The following SVOPL variants were observed in gnomAD, a reference collection of about 807,000 sequenced individuals.
SVOPL encodes SVOP like, also known as putative transporter SVOPL.
SVOPL carries 60 observed loss-of-function variants against 61.0 expected under a neutral mutation model. The ratio of observed to expected loss-of-function variants is 0.98; its 90% confidence interval spans 0.80 to 1.22. SVOPL has a LOEUF of 1.22. Ranked by LOEUF, SVOPL falls within the 50% of genes most tolerant of loss-of-function variation. SVOPL has a pLI of 0.00. For missense variants in SVOPL, 662 were observed against 643.9 expected, an observed-to-expected ratio of 1.03 and a Z score of -0.30; for synonymous variants, 279 against 250.0, an observed-to-expected ratio of 1.12 and a Z score of -1.09.
chr7:138,613,402 T>TA (rs1207118025), intron 14 of SVOPL, among the ~76,000 whole-genome samples: 1 of 152,098 alleles, frequency 6.6e-6, no homozygotes, highest in African/African-American at 2.4e-5. Flanking sequence ...GCTCCTAAGG[T>TA]AAAAATCTAA....
Position 138,594,532 on chromosome 7 carries a change from C to A in SVOPL, c.*78G>T. The A allele has an allele frequency of 1.4e-6, 2 of 1,439,440 alleles. No individual in the cohort carries two copies. The highest frequency in any genetic ancestry group is 1.3e-5 in the South Asian group (1 of 78,012). 89.2% of individuals were successfully genotyped at this position (1,439,440 alleles called of 1,614,324 possible). ...ACCGAGTAGCATACAGAAGTAAAACCAAGTTTTAAAAAAATGCACCGCAGT... is the reference window on the plus strand; with the variant it reads ...ACCGAGTAGCATACAGAAGTAAAACAAAGTTTTAAAAAAATGCACCGCAGT... On this transcript the variant is annotated 3_prime_UTR_variant, in exon 16 of 16. Coordinates refer to ENST00000674285, the MANE Select transcript of SVOPL (RefSeq NM_001139456.2).
chr7:138,626,813 T>G (rs1345601758), intron 12 of SVOPL, among the ~76,000 whole-genome samples: 1 of 150,786 alleles, frequency 6.6e-6, no homozygotes, highest in Admixed American at 6.7e-5. Context: ...ACCACTGCAT[T>G]CCCGCCTGGG....
chr7:138,636,566 G>A (rs1393897930), intron 9 of SVOPL, among the ~76,000 whole-genome samples: 2 of 151,630 alleles, frequency 1.3e-5, no homozygotes, highest in African/African-American at 4.9e-5. Flanking sequence ...CACCTCCTGG[G>A]TTCAAGTGAT....
intron 4 of SVOPL, among the ~76,000 whole-genome samples, chr7:138,666,733 C>A (rs899416660): frequency 5.3e-5 from 8 of 152,156 alleles, no homozygotes; most frequent in Admixed American, 1.3e-4. Context: ...GAGCCAAATT[C>A]CACCTCATTT....
Position 138,600,831 on chromosome 7 carries a change from C to T in SVOPL, c.1354-4301G>A, listed in dbSNP as rs77761110. On this transcript the variant is annotated intron_variant, in intron 14 of 15. Transcript: ENST00000674285. ...ATCACAAACACGAGATAAGCTTTGG[C>T]GAGAATGTAGAGAAAGGAAACTGAC... 5.7e-4 allele frequency among the ~76,000 whole-genome samples: 86 copies of T among 151,930 alleles called. No homozygotes were observed. In the East Asian group the frequency reaches 0.014, roughly 25 times the overall value.
intron 12 of SVOPL, 76 bp downstream of exon 12, chr7:138,627,274 C>T: frequency 9.0e-7 from 1 of 1,114,818 alleles, no homozygotes; most frequent in South Asian, 1.4e-5. Flanking sequence ...GTCCCTGAAA[C>T]TACTGAACAC....
chr7:138,636,691 G>A (rs1027540237), intron 9 of SVOPL, among the ~76,000 whole-genome samples: 5 of 151,852 alleles, frequency 3.3e-5, no homozygotes, highest in Admixed American at 3.3e-4. Flanking sequence ...GGCTGGTCTC[G>A]AACTCTTGGC....
chr7:138,614,324 AGAG>A (rs1799186941), intron 14 of SVOPL, among the ~76,000 whole-genome samples: 1 of 152,152 alleles, frequency 6.6e-6, no homozygotes, highest in African/African-American at 2.4e-5. Flanking sequence ...TAGAAAAAGC[AGAG>A]AAGACAAGCA....
chr7:138,677,074 T>C (rs991154242), intron 3 of SVOPL, among the ~76,000 whole-genome samples: 2 of 152,040 alleles, frequency 1.3e-5, no homozygotes, highest in Non-Finnish European at 2.9e-5. Context: ...CGTCTCATTT[T>C]TTTGTATTTT....
chr7:138,641,640 C>T (rs1306042276), intron 9 of SVOPL, among the ~76,000 whole-genome samples: 1 of 132,812 alleles, frequency 7.5e-6, no homozygotes, highest in African/African-American at 2.8e-5. Flanking sequence ...CACTACACTC[C>T]AGCCTGGATG....
At chr7:138,660,788 TTAA>T (rs1262225577) in intron 5 of SVOPL, 8 of 978,760 alleles carry the variant, frequency 8.2e-6, no homozygotes, top group South Asian at 4.7e-5. Flanking sequence ...CCAATAGGGT[TTAA>T]TAATATTATA....
At chr7:138,700,679 A>AAGATGGATGGAT (rs142195076) in intron 1 of SVOPL, among the ~76,000 whole-genome samples, 6 of 148,822 alleles carry the variant, frequency 4.0e-5, no homozygotes, top group African/African-American at 1.5e-4. Context: ...ACCCAGTAAG[A>AAGATGGATGGAT]GGATGGATGG....
At chr7:138,637,137 A>G (rs1276510839) in intron 9 of SVOPL, among the ~76,000 whole-genome samples, 1 of 152,070 alleles carries the variant, frequency 6.6e-6, no homozygotes, top group Non-Finnish European at 1.5e-5. Flanking sequence ...TATTCAAAAT[A>G]TATACATCAT....
chr7:138,644,738 C>T lies in SVOPL; in HGVS notation c.768G>A (p.Gly256=). 6.2e-7 allele frequency: 1 copy of T among 1,614,158 alleles called. No individual in the cohort carries two copies. The highest frequency in any genetic ancestry group is 8.5e-7 in the Non-Finnish European group (1 of 1,180,028). ...AKMNRSVMPE[G]KLVEPVLEKR... ...TCACCAGGACGGGCTCCACCAGCTT[C>T]CCCTCCGGCATGACCGAGCGGTTCA... The change falls in exon 9 of 16, where the codon GGG becomes GGA. Residue 256 remains glycine, a synonymous_variant. Transcript: ENST00000674285.
At chr7:138,622,728 C>T (rs1230966214) in intron 13 of SVOPL, among the ~76,000 whole-genome samples, 1 of 151,846 alleles carries the variant, frequency 6.6e-6, no homozygotes, top group Admixed American at 6.6e-5. Context: ...TCCCAAAGTG[C>T]TGGGATTACA....
chr7:138,695,845 G>A (rs963978653), intron 1 of SVOPL, among the ~76,000 whole-genome samples: 1 of 151,542 alleles, frequency 6.6e-6, no homozygotes, highest in Non-Finnish European at 1.5e-5. Context: ...GTACAGTGGC[G>A]TGATCTCGGC....
chr7:138,596,818 G>C (rs1251148645), intron 14 of SVOPL: 3 of 1,123,298 alleles, frequency 2.7e-6, no homozygotes, highest in African/African-American at 1.6e-5. Context: ...ATATGGAAAA[G>C]ATGGGGGATC....
At chr7:138,639,771 C>T (rs551616789) in intron 9 of SVOPL, among the ~76,000 whole-genome samples, 2 of 152,244 alleles carry the variant, frequency 1.3e-5, no homozygotes, top group South Asian at 4.2e-4. Flanking sequence ...TACAGCAGTG[C>T]GATCATAGCT....
chr7:138,641,160 C>T (rs992196385), intron 9 of SVOPL, among the ~76,000 whole-genome samples: 2 of 150,754 alleles, frequency 1.3e-5, no homozygotes, highest in African/African-American at 4.9e-5. Flanking sequence ...GACAGTACTA[C>T]TGCACTCCAA....
Sources: allele counts gnomAD v4.1 joint callset (sites outside exome capture counted in the v4.1 genomes callset), GRCh38; gene constraint gnomAD v4.1.1; transcripts MANE v1.5; gene names NCBI Gene and HGNC (gene_info 2026-07-23, HGNC 2026-07-21).